The following ERCC8 variants were observed in gnomAD, a reference collection of about 807,000 sequenced individuals.
The protein encoded by ERCC8 is DNA excision repair protein ERCC-8.
Under a neutral mutation model 54.9 loss-of-function variants are expected in ERCC8, and 52 were observed. The ratio of observed to expected loss-of-function variants is 0.95; its 90% CI spans 0.76 to 1.19. The LOEUF is 1.19. ERCC8 is among the 50% of genes most tolerant of loss of function. ERCC8 has a pLI of 0.00. For missense variants in ERCC8, 514 were observed against 466.1 expected, an observed-to-expected ratio of 1.10 and a Z score of -0.95; for synonymous variants, 146 against 157.2, an observed-to-expected ratio of 0.93 and a Z score of 0.53.
intron 11 of ERCC8, among the ~76,000 whole-genome samples, chr5:60,886,721 T>TAAAAAG (rs1748404669): frequency 7.1e-6 from 1 of 140,336 alleles, no homozygotes; most frequent in African/African-American, 2.6e-5. Context: ...AAAATAAAAA[T>TAAAAAG]AAAAATAAAA....
chr5:60,877,752 C>G (rs1434778687), intron 11 of ERCC8, among the ~76,000 whole-genome samples: 1 of 152,192 alleles, frequency 6.6e-6, no homozygotes, highest in South Asian at 2.1e-4. Flanking sequence ...AGTTGCTTAT[C>G]AGCTTAAGGA....
At chr5:60,892,399 G>A (rs1748589389) in intron 9 of ERCC8, 1 of 544,286 alleles carries the variant, frequency 1.8e-6, no homozygotes, top group Non-Finnish European at 3.7e-6. Context: ...TATCCTCGAT[G>A]TCAAAGAACT....
At chr5:60,938,350 A>T (rs2619906) in intron 1 of ERCC8, among the ~76,000 whole-genome samples, 3,215 of 40,880 alleles carry the variant, frequency 0.079, 433 homozygotes, top group East Asian at 0.38. Flanking sequence ...ACCTTTTTGA[A>T]TTTTTTTTTT....
intron 9 of ERCC8, among the ~76,000 whole-genome samples, chr5:60,894,936 C>T (rs1748678930): frequency 1.3e-5 from 2 of 151,846 alleles, no homozygotes; most frequent in African/African-American, 2.4e-5. Flanking sequence ...TTTGGGAGGC[C>T]GAGGCAGGCG....
At chr5:60,898,791 C>T (rs1308350249) in intron 8 of ERCC8, among the ~76,000 whole-genome samples, 1 of 51,242 alleles carries the variant, frequency 2.0e-5, no homozygotes, top group Non-Finnish European at 3.6e-5. Context: ...TAGTGTTTTC[C>T]ATTGAAAAAA....
At chr5:60,944,600 C>T (rs1344474658) in intron 1 of ERCC8, among the ~76,000 whole-genome samples, 1 of 152,080 alleles carries the variant, frequency 6.6e-6, no homozygotes, top group Non-Finnish European at 1.5e-5. Flanking sequence ...TGAACGAGTC[C>T]GTGGAGGGCA....
In ERCC8 at chr5:60,870,314, G is replaced by A. The variant is rs1747833970; in HGVS notation, c.*4301C>T. Among the ~76,000 whole-genome samples the A allele has an allele frequency of 6.6e-6, 1 of 151,416 alleles. No individual in the cohort carries two copies. The highest frequency in any genetic ancestry group is 6.6e-5 in the Admixed American group (1 of 15,152). On this transcript the variant is annotated 3_prime_UTR_variant, in exon 12 of 12. Transcript: ENST00000676185. ...AATTGAAACAAAACAAAACAAAAAG[G>A]GCAAGGAGAAACGAAAAGATAAGAC...
In ERCC8 at chr5:60,903,716, A is replaced by G; in HGVS notation, c.482T>C (p.Val161Ala). Reference sequence around the variant, plus strand: ...TTGTACTTTGGGTCCTCTAGTACCAACTGTAAAAACAGAACCGGTTTAAGA... The same window carrying G: ...TTGTACTTTGGGTCCTCTAGTACCAGCTGTAAAAACAGAACCGGTTTAAGA... ...PVSTKHCLVA[V>A]GTRGPKVQLC... The change falls in exon 6 of 12, where the codon GTT becomes GCT. Residue 161 changes from valine (V) to alanine (A), a missense_variant and splice_region_variant. Transcript: ENST00000676185. The G allele has an allele frequency of 6.2e-7, 1 of 1,612,340 alleles. No individual in the cohort carries two copies. Among genetic ancestry groups the G allele is most frequent in the South Asian group, 1.1e-5 (1 of 90,964 alleles).
intron 9 of ERCC8, among the ~76,000 whole-genome samples, chr5:60,891,658 T>C (rs1377711389): frequency 8.2e-6 from 1 of 121,950 alleles, no homozygotes; most frequent in Non-Finnish European, 1.7e-5. Context: ...TGGGGGGGCA[T>C]ATTCTTTTTT....
In ERCC8 at chr5:60,880,361, G is replaced by A. The variant is rs932546780; in HGVS notation, c.1123-5678C>T. On this transcript the variant is annotated intron_variant, in intron 11 of 11. Transcript: ENST00000676185. ...TATGTGTCTTGGAGTTGCTCTTCTC[G>A]AGGAGTATCTTTGTGGCATTCTCTG... Among the ~76,000 whole-genome samples the A allele has an allele frequency of 8.6e-5, 13 of 152,032 alleles. 1 individual carries two copies. The highest frequency in any genetic ancestry group is 4.1e-4 in the South Asian group (2 of 4,820).
Position 60,922,141 on chromosome 5 carries a change from C to A in ERCC8, c.188G>T (p.Gly63Val). The A allele has an allele frequency of 6.2e-6, 10 of 1,603,434 alleles. No homozygotes were observed. Among genetic ancestry groups the A allele is most frequent in the Non-Finnish European group, 8.5e-6 (10 of 1,171,472 alleles). ...PVEGRYMLSGGSDGVIVLYDL... is the reference protein window; with the variant it reads ...PVEGRYMLSGVSDGVIVLYDL... The stretch of plus-strand genomic sequence containing the variant: ...ATAAAGTACAATCACACCATCTGAA[C>A]CACCTGATAACATGCTGATAATAAA... The change falls in exon 3 of 12, where the codon GGT becomes GTT. Residue 63 changes from glycine (G) to valine (V), a missense_variant. Physicochemically the swap from Gly to Val is moderately radical, Grantham distance 109 (BLOSUM62 -3). Transcript: ENST00000676185.
rs1386362326 is a variant in ERCC8 at position 60,938,071 on chromosome 5, ATATATATATATATATTTTATTT to A, written c.77+6839_77+6860del. Reference sequence around the variant, plus strand: ...TACATATATATATATATATATATATATATATATATATATATTTTATTTTTTTTTTTTTTAGGTTACGAAGTTT... The same window carrying A: ...TACATATATATATATATATATATATATTTTTTTTTTTAGGTTACGAAGTTT... On this transcript the variant is annotated intron_variant, in intron 1 of 11. Coordinates refer to ENST00000676185, the MANE Select transcript of ERCC8 (RefSeq NM_000082.4). 6.8e-4 allele frequency among the ~76,000 whole-genome samples: 48 copies of A among 70,186 alleles called. 2 individuals carry two copies. The highest frequency in any genetic ancestry group is 2.9e-4 in the East Asian group (1 of 3,406). The allele number at this position is 70,186 out of a possible 152,430, so 46.0% of individuals were successfully genotyped here.
intron 9 of ERCC8, chr5:60,892,227 CAA>C (rs1748583733): frequency 1.9e-6 from 1 of 540,262 alleles, no homozygotes; most frequent in African/African-American, 1.9e-5. Context: ...GTGAGATCTC[CAA>C]TCTTATATAC....
intron 9 of ERCC8, among the ~76,000 whole-genome samples, chr5:60,897,305 T>G (rs1392967331): frequency 6.6e-6 from 1 of 152,224 alleles, no homozygotes; most frequent in Non-Finnish European, 1.5e-5. Flanking sequence ...TCATAGTCCT[T>G]ACCTAATCTA....
chr5:60,902,203 C>T (rs947353907), intron 7 of ERCC8, among the ~76,000 whole-genome samples: 15 of 152,140 alleles, frequency 9.9e-5, no homozygotes, highest in African/African-American at 3.4e-4. Context: ...GTAAGAATGA[C>T]ACAACACAGT....
At chr5:60,911,784 G>A (rs1434363196) in intron 4 of ERCC8, among the ~76,000 whole-genome samples, 1 of 151,966 alleles carries the variant, frequency 6.6e-6, no homozygotes, top group African/African-American at 2.4e-5. Flanking sequence ...GTTAAGGAAG[G>A]GATCCAGTTT....
At chr5:60,936,984 C>G (rs1292991052) in intron 1 of ERCC8, among the ~76,000 whole-genome samples, 2 of 152,198 alleles carry the variant, frequency 1.3e-5, no homozygotes, top group African/African-American at 2.4e-5. Flanking sequence ...TGATTTGGTG[C>G]TCTCCTCCTT....
chr5:60,904,612 A>AAT (rs1181522228), intron 5 of ERCC8, among the ~76,000 whole-genome samples, 180 bp downstream of exon 5: 2,879 of 123,034 alleles, frequency 0.023, 225 homozygotes, highest in African/African-American at 0.08. Flanking sequence ...ATATCTGTTG[A>AAT]ATATATATAG....
rs757062872 is a variant in ERCC8, at chr5:60,867,675, G to C, written c.*6940C>G. ...AAAATATACAGATTTACACAATAGTGGATGATACCATCATGCAGGGTGTAG... is the reference window on the plus strand; with the variant it reads ...AAAATATACAGATTTACACAATAGTCGATGATACCATCATGCAGGGTGTAG... On this transcript the variant is annotated 3_prime_UTR_variant, in exon 12 of 12. Transcript: ENST00000676185. 1.6e-4 allele frequency among the ~76,000 whole-genome samples: 25 copies of C among 152,320 alleles called. No individual in the cohort carries two copies. The highest frequency in any genetic ancestry group is 3.1e-4 in the Non-Finnish European group (21 of 68,028).
Sources: allele counts gnomAD v4.1 joint callset (sites outside exome capture counted in the v4.1 genomes callset), GRCh38; gene constraint gnomAD v4.1.1; transcripts MANE v1.5; gene names NCBI Gene and HGNC (gene_info 2026-07-23, HGNC 2026-07-21).